The following RIMS1 variants were observed in gnomAD, a reference collection of about 807,000 sequenced individuals.
The protein encoded by RIMS1 is regulating synaptic membrane exocytosis 1.
In RIMS1, 83 loss-of-function variants were observed where a neutral mutation model predicts 214.1. The ratio of observed to expected loss-of-function variants is 0.39; its 90% CI spans 0.32 to 0.47. RIMS1 has a LOEUF of 0.47. Among genes scored for constraint, RIMS1 ranks in the 20% least tolerant of loss-of-function variants. The pLI is 0.99. For synonymous variants in RIMS1, 793 were observed against 786.8 expected (o/e 1.01, Z -0.13); for missense variants, 2,050 against 2,161.8 (o/e 0.95, Z 1.03).
intron 22 of RIMS1, among the ~76,000 whole-genome samples, 193 bp from the exon 23 acceptor site, chr6:72,274,156 A>G (rs541059231): frequency 1.3e-5 from 2 of 152,332 alleles, no homozygotes; most frequent in East Asian, 3.8e-4. Flanking sequence ...ATAAGATTAT[A>G]GGTTTTATGT....
Position 72,251,354 on chromosome 6 carries a change from G to A in RIMS1, c.2684G>A (p.Ser895Asn). The A allele has an allele frequency of 6.3e-7, 1 of 1,593,444 alleles. No individual in the cohort carries two copies. ...CGACATATTCATGGAGAAAGCTCTA[G>A]CAAAAAGCTACAAAGTAGGTTAAGG... Reference protein sequence around the residue: ...PRRHIHGESSSKKLQRSQRIS... With the variant: ...PRRHIHGESSNKKLQRSQRIS... Residue 895 changes from serine (S) to asparagine (N), a missense_variant, in exon 15 of 34, where the codon AGC (serine) becomes AAC (asparagine). Coordinates refer to ENST00000521978, the MANE Select transcript of RIMS1 (RefSeq NM_014989.7).
Position 72,182,385 on chromosome 6 carries a change from T to A in RIMS1, c.914T>A (p.Val305Asp), listed in dbSNP as rs371004645. The A allele has an allele frequency of 6.2e-7, 1 of 1,613,450 alleles. No homozygotes were observed. The highest frequency in any genetic ancestry group is 1.3e-5 in the African/African-American group (1 of 74,804). ...KTSAQPVEGA[V>D]EERERKERRE... ...TCAGCGCAGCCCGTGGAGGGGGCCG[T>A]CGAAGAACGGGAGCGCAAAGAAAGG... The change falls in exon 6 of 34, where the codon GTC (valine) becomes GAC (aspartate). Residue 305 changes from valine (V) to aspartate (D), a missense_variant. Coordinates refer to ENST00000521978, the MANE Select transcript of RIMS1 (RefSeq NM_014989.7).
chr6:72,169,825 C>T (rs549792698), intron 4 of RIMS1, among the ~76,000 whole-genome samples: 2 of 152,152 alleles, frequency 1.3e-5, no homozygotes, highest in Non-Finnish European at 2.9e-5. Flanking sequence ...GCGGATGGAT[C>T]ACCTAAGCCA....
chr6:72,380,709 T>A (rs550108232), intron 29 of RIMS1, among the ~76,000 whole-genome samples: 37 of 152,326 alleles, frequency 2.4e-4, no homozygotes, highest in African/African-American at 7.5e-4. Context: ...TACTTTTTTT[T>A]AAAATTGAGA....
At chr6:71,926,361 T>G (rs1781563116) in intron 1 of RIMS1, among the ~76,000 whole-genome samples, 1 of 152,194 alleles carries the variant, frequency 6.6e-6, no homozygotes, top group African/African-American at 2.4e-5. Flanking sequence ...CTAAAAATAT[T>G]TTTCTCCTCT....
chr6:72,335,228 T>G (rs2096798953), intron 29 of RIMS1, among the ~76,000 whole-genome samples: 1 of 151,908 alleles, frequency 6.6e-6, no homozygotes, highest in East Asian at 1.9e-4. Context: ...ATCCCTCCCC[T>G]AGGCCCCCAC....
At chr6:72,272,359 AC>A (rs2083844713) in intron 22 of RIMS1, among the ~76,000 whole-genome samples, 1 of 152,144 alleles carries the variant, frequency 6.6e-6, no homozygotes, top group Non-Finnish European at 1.5e-5. Context: ...AACTTAAGTG[AC>A]ATCTTTTCTT....
intron 4 of RIMS1, among the ~76,000 whole-genome samples, chr6:72,131,834 C>A (rs943714507): frequency 6.6e-6 from 1 of 152,076 alleles, no homozygotes; most frequent in Non-Finnish European, 1.5e-5. Context: ...TAAAAGATGA[C>A]CACACCCAAG....
intron 2 of RIMS1, among the ~76,000 whole-genome samples, chr6:72,016,171 A>C (rs191622847): frequency 7.2e-5 from 11 of 152,272 alleles, no homozygotes; most frequent in Non-Finnish European, 1.5e-4. Flanking sequence ...CATGGTGTAC[A>C]TAATCTTTTT....
chr6:71,934,361 G>GT (rs1331561418), intron 1 of RIMS1, among the ~76,000 whole-genome samples: 1 of 152,128 alleles, frequency 6.6e-6, no homozygotes, highest in Non-Finnish European at 1.5e-5. Flanking sequence ...ATGAATCACA[G>GT]TTTGTCAGCT....
chr6:71,952,085 G>A (rs1789779535), intron 1 of RIMS1, among the ~76,000 whole-genome samples: 1 of 152,122 alleles, frequency 6.6e-6, no homozygotes, highest in Admixed American at 6.5e-5. Flanking sequence ...GCCTGACCCT[G>A]ACTTACAATG....
intron 1 of RIMS1, among the ~76,000 whole-genome samples, chr6:71,953,848 C>G (rs562919142): frequency 6.6e-6 from 1 of 152,148 alleles, no homozygotes; most frequent in East Asian, 1.9e-4. Flanking sequence ...AATAAGGATG[C>G]GAGAATTACA....
intron 4 of RIMS1, among the ~76,000 whole-genome samples, chr6:72,109,239 T>C (rs1317584340): frequency 1.3e-5 from 2 of 152,136 alleles, no homozygotes; most frequent in African/African-American, 4.8e-5. Context: ...CTGGGTCAAA[T>C]GGTATTTCTA....
rs2031958551 is a variant in RIMS1, at chr6:72,096,950, A to G, written c.247A>G (p.Arg83Gly). Residue 83 changes from arginine to glycine, a missense_variant and splice_region_variant, in exon 3 of 34, where the codon AGA becomes GGA. Arg to Gly is a moderately radical substitution (Grantham distance 125). Around this residue, in one of 6 missense-constraint regions of RIMS1, gnomAD observed 882 missense variants for 828.9 expected, o/e 1.06. Transcript: ENST00000521978. ...AENQPHQPSPRLHQQFESYKE... is the reference protein window; with the variant it reads ...AENQPHQPSPGLHQQFESYKE... ...GCTACCATTTTCTCTTTTGCCTAGG[A>G]GATTGCATCAACAGTTTGAAAGCTA... 1 of 1,612,306 alleles carries G rather than the reference A, an allele frequency of 6.2e-7. No individual in the cohort carries two copies. Among genetic ancestry groups the G allele is most frequent in the African/African-American group, 1.3e-5 (1 of 74,902 alleles).
intron 4 of RIMS1, among the ~76,000 whole-genome samples, chr6:72,101,504 AATACTTT>A (rs2033572728): frequency 6.6e-6 from 1 of 151,906 alleles, no homozygotes; most frequent in African/African-American, 2.4e-5. Flanking sequence ...TATTAAATGA[AATACTTT>A]ATTGCCAGTT....
intron 30 of RIMS1, 28 bp downstream of exon 30, chr6:72,390,764 CT>C: frequency 6.2e-7 from 1 of 1,610,172 alleles, no homozygotes; most frequent in Non-Finnish European, 8.5e-7. Flanking sequence ...GTCTGCATGG[CT>C]GTGGAACCAG....
chr6:72,307,788 G>A (rs548412017), intron 27 of RIMS1, among the ~76,000 whole-genome samples: 6 of 152,034 alleles, frequency 3.9e-5, no homozygotes, highest in South Asian at 2.1e-4. Context: ...TGATAGTCCT[G>A]CATCATAATT....
intron 22 of RIMS1, among the ~76,000 whole-genome samples, chr6:72,273,235 A>G (rs572352473): frequency 2.6e-5 from 4 of 152,244 alleles, no homozygotes; most frequent in African/African-American, 9.6e-5. Flanking sequence ...AATATTCAGT[A>G]AACCAAGTTA....
chr6:71,933,615 T>C (rs1197576855), intron 1 of RIMS1, among the ~76,000 whole-genome samples: 1 of 151,000 alleles, frequency 6.6e-6, no homozygotes, highest in Non-Finnish European at 1.5e-5. Context: ...AGAGAAGAGA[T>C]GGTGTGAGGG....
Sources: allele counts gnomAD v4.1 joint callset (sites outside exome capture counted in the v4.1 genomes callset), GRCh38; gene constraint gnomAD v4.1.1; regional missense constraint gnomAD v4.1.1; transcripts MANE v1.5; gene names NCBI Gene and HGNC (gene_info 2026-07-23, HGNC 2026-07-21).